The following PRKG1 variants were observed in gnomAD, a reference collection of about 807,000 sequenced individuals.
PRKG1 encodes protein kinase cGMP-dependent 1.
PRKG1 carries 35 observed loss-of-function variants against 88.1 expected under a neutral mutation model. The observed-to-expected ratio is 0.40, with a 90% CI of 0.30 to 0.53. The LOEUF is 0.53. Ranked by LOEUF, PRKG1 falls within the 20% of genes least tolerant of loss-of-function variation. The pLI, the probability that PRKG1 is intolerant of heterozygous loss-of-function variation, is 0.59. For missense variants in PRKG1, 540 were observed against 839.8 expected, an observed-to-expected ratio of 0.64 and a Z score of 4.41; for synonymous variants, 303 against 292.5, an observed-to-expected ratio of 1.04 and a Z score of -0.37.
intron 2 of PRKG1, among the ~76,000 whole-genome samples, chr10:51,230,222 T>C (rs1429020642): frequency 6.6e-6 from 1 of 152,090 alleles, no homozygotes; most frequent in Non-Finnish European, 1.5e-5. Context: ...TCGATATAGG[T>C]AAATGTTCAA....
At chr10:52,082,835 A>C (rs1046986069) in intron 7 of PRKG1, among the ~76,000 whole-genome samples, 8 of 152,160 alleles carry the variant, frequency 5.3e-5, no homozygotes, top group African/African-American at 1.9e-4. Flanking sequence ...TTTTTAAATA[A>C]CCAATTTCAG....
At chr10:51,021,381 T>C (rs1259247978) in intron 1 of PRKG1, among the ~76,000 whole-genome samples, 1 of 152,208 alleles carries the variant, frequency 6.6e-6, no homozygotes, top group Non-Finnish European at 1.5e-5. Flanking sequence ...ACCCTCTTGC[T>C]TCCCATAGCA....
At chr10:51,668,313 A>G (rs1032690943) in intron 3 of PRKG1, among the ~76,000 whole-genome samples, 5 of 152,206 alleles carry the variant, frequency 3.3e-5, no homozygotes, top group Admixed American at 2.6e-4. Context: ...CACTTGTTGG[A>G]GTTTAGGACT....
intron 1 of PRKG1, among the ~76,000 whole-genome samples, chr10:51,096,731 C>T (rs1435612706): frequency 1.3e-5 from 2 of 152,122 alleles, no homozygotes; most frequent in Non-Finnish European, 2.9e-5. Flanking sequence ...GAGAATTACA[C>T]AAGATTATAT....
Position 51,796,906 on chromosome 10 carries a change from T to C in PRKG1, c.593-7679T>C, listed in dbSNP as rs1341992432. Among the ~76,000 whole-genome samples the C allele has an allele frequency of 2.0e-5, 3 of 152,100 alleles. No individual in the cohort carries two copies. The East Asian group carries it at 5.8e-4, about 29-fold the overall frequency. ...TACCCGCTTATGTGTCTATATAGCC[T>C]GTTGGTTCTGTTTCTCTGGAGAATC... On this transcript the variant is annotated intron_variant, in intron 3 of 17. Transcript: ENST00000373980.
intron 6 of PRKG1, among the ~76,000 whole-genome samples, chr10:52,058,554 A>C (rs544417288): frequency 5.3e-5 from 8 of 152,168 alleles, no homozygotes; most frequent in African/African-American, 1.7e-4. Flanking sequence ...AAATGAAAGT[A>C]ACTGACAGCA....
chr10:52,210,025 T>A (rs1371185299), intron 9 of PRKG1, among the ~76,000 whole-genome samples: 1 of 152,154 alleles, frequency 6.6e-6, no homozygotes, highest in African/African-American at 2.4e-5. Context: ...TCCTCTTCTG[T>A]AAATGGAAGG....
intron 2 of PRKG1, among the ~76,000 whole-genome samples, chr10:51,387,757 T>A (rs1837290384): frequency 6.6e-6 from 1 of 152,206 alleles, no homozygotes; most frequent in Non-Finnish European, 1.5e-5. Context: ...TAAGTTGTAT[T>A]TTCATTTCTA....
chr10:51,442,027 A>C (rs1156900131), intron 2 of PRKG1, among the ~76,000 whole-genome samples: 1 of 151,860 alleles, frequency 6.6e-6, no homozygotes, highest in Non-Finnish European at 1.5e-5. Context: ...GGAGTTATTT[A>C]TAGCAAAAAT....
chr10:51,016,669 C>CTTTTTTTTTTTTTTTTTTTTTTTT (rs1323068893), intron 1 of PRKG1, among the ~76,000 whole-genome samples: 3 of 22,764 alleles, frequency 1.3e-4, no homozygotes, highest in Admixed American at 5.1e-4. Context: ...TATTATTATC[C>CTTTTTTTTTTTTTTTTTTTTTTTT]TTTCTTTTTT....
chr10:51,358,794 T>C (rs572959470), intron 2 of PRKG1, among the ~76,000 whole-genome samples: 1 of 152,076 alleles, frequency 6.6e-6, no homozygotes, highest in African/African-American at 2.4e-5. Flanking sequence ...TCACTATGGA[T>C]GTGGGTCTTT....
chr10:51,952,821 A>G (rs77532039), intron 5 of PRKG1, among the ~76,000 whole-genome samples: 7,412 of 152,216 alleles, frequency 0.049, 416 homozygotes, highest in African/African-American at 0.14. Flanking sequence ...GAAAATAATT[A>G]TGTATCTCAA....
At chr10:51,694,916 C>G (rs1841246807) in intron 3 of PRKG1, among the ~76,000 whole-genome samples, 2 of 152,174 alleles carry the variant, frequency 1.3e-5, no homozygotes, top group South Asian at 4.1e-4. Flanking sequence ...TTAGCTTTCA[C>G]AGAGTAGAGG....
At chr10:51,127,957 C>CG (rs1845472567) in intron 1 of PRKG1, among the ~76,000 whole-genome samples, 1 of 151,656 alleles carries the variant, frequency 6.6e-6, no homozygotes, top group Non-Finnish European at 1.5e-5. Context: ...GAAGCCTGTT[C>CG]AGGGGTGGGG....
chr10:51,714,132 A>C (rs1284891022), intron 3 of PRKG1, among the ~76,000 whole-genome samples: 1 of 152,062 alleles, frequency 6.6e-6, no homozygotes, highest in Non-Finnish European at 1.5e-5. Context: ...GGCGCCCGCC[A>C]CCAAGCCCGG....
chr10:51,402,956 G>C (rs761723920), intron 2 of PRKG1, among the ~76,000 whole-genome samples: 3 of 152,164 alleles, frequency 2.0e-5, no homozygotes, highest in Non-Finnish European at 2.9e-5. Context: ...ATTTTTCTAA[G>C]TGATTAAAAG....
At chr10:51,337,847 C>T (rs757264237) in intron 2 of PRKG1, among the ~76,000 whole-genome samples, 7 of 152,070 alleles carry the variant, frequency 4.6e-5, no homozygotes, top group Non-Finnish European at 1.0e-4. Flanking sequence ...GTGGGGATTC[C>T]TCAAAAATCT....
intron 4 of PRKG1, among the ~76,000 whole-genome samples, chr10:51,813,621 A>G (rs1839512270): frequency 6.6e-6 from 1 of 152,198 alleles, no homozygotes; most frequent in Non-Finnish European, 1.5e-5. Context: ...TATTCAGGGT[A>G]GAGCCAGTGT....
At position 51,869,805 on chromosome 10, in the gene PRKG1, G is replaced by A. The variant is rs151025666; in HGVS notation, c.699-37702G>A. Among the ~76,000 whole-genome samples, 1,038 of 152,164 alleles carry A rather than the reference G, an allele frequency of 6.8e-3. 5 individuals are homozygous for A. Among genetic ancestry groups the A allele is most frequent in the Middle Eastern group, 0.02 (6 of 294 alleles). On this transcript the variant is annotated intron_variant, in intron 4 of 17. Transcript: ENST00000373980. ...AATTGAATTTTAATTTTGAAACAAA[G>A]ATGTGTTTAATTTACAGACTGTTAA...
Sources: gnomAD v4.1 joint callset for allele counts (sites outside exome capture counted in the v4.1 genomes callset) on GRCh38, gnomAD v4.1.1 for gene constraint, MANE v1.5 for transcripts, NCBI Gene and HGNC (gene_info 2026-07-23, HGNC 2026-07-21) for gene names.